ANO7: variants seen among roughly 807,000 people sequenced by gnomAD.
ANO7 encodes anoctamin-7.
In ANO7, 114 loss-of-function variants were observed where a neutral mutation model predicts 115.8. The ratio of observed to expected loss-of-function variants is 0.98; its 90% CI spans 0.85 to 1.15. The LOEUF (loss-of-function observed/expected upper bound fraction) is 1.15, where lower values mean the gene tolerates loss of function less well. Ranked by LOEUF, ANO7 falls within the 50% of genes most tolerant of loss-of-function variation. The probability of loss-of-function intolerance (pLI) is 0.00; values close to 1 mark genes in which losing one functional copy is unlikely to be tolerated. For synonymous variants in ANO7, 550 were observed against 498.2 expected (o/e 1.10, Z -1.38); for missense variants, 1,302 against 1,201.2 (o/e 1.08, Z -1.24).
chr2:241,233,701 T>C, the ANO7 span: 121 of 1,088,724 alleles, frequency 1.1e-4, no homozygotes, highest in East Asian at 2.9e-3. The surrounding 1 kb of genome is among the most constrained non-coding windows in gnomAD (Gnocchi z 4.3). Context: ...CCTGAGAGAC[T>C]TGCCACTCTC....
chr2:241,235,622 C>T, the ANO7 span: 382 of 1,528,120 alleles, frequency 2.5e-4, 1 homozygote, highest in Middle Eastern at 3.4e-4. Flanking sequence ...ATGGTTAGGC[C>T]GTGGGAGCTG....
Position 241,203,394 on chromosome 2 carries a change from T to A in ANO7, c.785T>A (p.Leu262His). ...CCACGCCTCAACCAGCGCCAAGTCCTTTTCCAGCACTGGGCGCGCTGGGGC... is the reference window on the plus strand; with the variant it reads ...CCACGCCTCAACCAGCGCCAAGTCCATTTCCAGCACTGGGCGCGCTGGGGC... ...QAPRLNQRQV[L>H]FQHWARWGKW... The change falls in exon 9 of 25, where the codon CTT becomes CAT. Residue 262 changes from leucine (L) to histidine (H), a missense_variant. Leu to His is a moderately conservative substitution (Grantham distance 99). Coordinates refer to ENST00000674324, the MANE Select transcript of ANO7 (RefSeq NM_001370694.2). This position sits in a 1 kb window ranked among gnomAD's most constrained non-coding sequence, Gnocchi z 4.8. The A allele has an allele frequency of 6.3e-7, 1 of 1,599,706 alleles. No homozygotes were observed. The highest frequency in any genetic ancestry group is 8.5e-7 in the Non-Finnish European group (1 of 1,174,076).
Position 241,224,362 on chromosome 2 carries a change from A to G in ANO7, c.*209A>G. The G allele has an allele frequency of 1.7e-6, 1 of 601,654 alleles. No homozygotes were observed. The highest frequency in any genetic ancestry group is 2.9e-6 in the Non-Finnish European group (1 of 343,592). The allele number at this position is 601,654 out of a possible 1,614,324, so 37.3% of individuals were successfully genotyped here. A position where few individuals can be genotyped will look rare whatever the true frequency, so the allele number is the denominator to read the frequency against. Reference sequence around the variant, plus strand: ...CCATCCCCGGCAGGGAGGGACCGTCAGCTCACAAGGCCCTCTTTGTTTCCT... The same window carrying G: ...CCATCCCCGGCAGGGAGGGACCGTCGGCTCACAAGGCCCTCTTTGTTTCCT... On this transcript the variant is annotated 3_prime_UTR_variant, in exon 25 of 25. Transcript: ENST00000674324.
At position 241,225,758 on chromosome 2, in the gene ANO7, C is replaced by T. The variant is rs973546688; in HGVS notation, c.*1605C>T. ...CCCTGCCTCCATGGAAGGGCTCTTCCGGCAGGGATGCAGGCTCACAGCGCC... is the reference window on the plus strand; with the variant it reads ...CCCTGCCTCCATGGAAGGGCTCTTCTGGCAGGGATGCAGGCTCACAGCGCC... On this transcript the variant is annotated 3_prime_UTR_variant, in exon 25 of 25. Transcript: ENST00000674324. Among the ~76,000 whole-genome samples, 5 of 152,140 alleles carry T rather than the reference C, an allele frequency of 3.3e-5. No individual in the cohort carries two copies. Among genetic ancestry groups the T allele is most frequent in the African/African-American group, 9.7e-5 (4 of 41,440 alleles).
the ANO7 span, chr2:241,231,006 G>C: frequency 2.0e-6 from 3 of 1,468,168 alleles, no homozygotes; most frequent in Non-Finnish European, 2.8e-6. Flanking sequence ...TCAGGGGCAA[G>C]AGCCGGCCCC....
downstream of ANO7, chr2:241,227,517 C>T (rs1483345972): frequency 6.6e-6 from 1 of 152,568 alleles, no homozygotes; most frequent in Non-Finnish European, 1.5e-5. Context: ...AGCACAGACG[C>T]TTCAGGGAGA....
intron 22 of ANO7, 152 bp downstream of exon 22, chr2:241,223,428 C>G (rs1233143255): frequency 3.4e-5 from 36 of 1,070,238 alleles, no homozygotes. Flanking sequence ...CCTGCGTTTT[C>G]CCTGCCTGGC....
At chr2:241,194,465 C>G (rs1053855942) in intron 3 of ANO7, among the ~76,000 whole-genome samples, 7 of 151,982 alleles carry the variant, frequency 4.6e-5, no homozygotes, top group African/African-American at 1.7e-4. Context: ...CAGGTGCCGG[C>G]CACCACGCCC....
At position 241,217,815 on chromosome 2, in the gene ANO7, T is replaced by C; in HGVS notation, c.2102T>C (p.Val701Ala). 2 of 1,609,800 alleles carry C rather than the reference T, an allele frequency of 1.2e-6. No homozygotes were observed. The highest frequency in any genetic ancestry group is 1.7e-6 in the Non-Finnish European group (2 of 1,178,920). The change falls in exon 20 of 25, where the codon GTG (valine) becomes GCG (alanine). Residue 701 changes from valine to alanine, a missense_variant. Coordinates refer to ENST00000674324, the MANE Select transcript of ANO7 (RefSeq NM_001370694.2). ...RKFVCEYRRP[V>A]AERAQDIGIW... Reference sequence around the variant, plus strand: ...TTCGTCTGCGAGTACCGGCGCCCGGTGGCCGAGCGCGCCCAGGACATCGGC... The same window carrying C: ...TTCGTCTGCGAGTACCGGCGCCCGGCGGCCGAGCGCGCCCAGGACATCGGC...
the ANO7 span, among the ~76,000 whole-genome samples, chr2:241,232,003 T>C: frequency 1.3e-5 from 2 of 151,902 alleles, no homozygotes; most frequent in East Asian, 3.9e-4. Flanking sequence ...GGAAAGGAAA[T>C]GAGCAGAAAG....
At chr2:241,239,549 G>A in the ANO7 span, 40 of 1,458,188 alleles carry the variant, frequency 2.7e-5, no homozygotes, top group African/African-American at 2.9e-4. The surrounding 1 kb of genome is among the most constrained non-coding windows in gnomAD (Gnocchi z 4.6). Flanking sequence ...ACACGGCTTC[G>A]GTGAGTGGCC....
rs1336693799 is a variant in ANO7, at chr2:241,204,576, A to C, written c.890-289A>C. 2.6e-5 allele frequency among the ~76,000 whole-genome samples: 4 copies of C among 152,044 alleles called. No individual in the cohort carries two copies. In the South Asian group the frequency reaches 8.3e-4, roughly 31 times the overall value. ...CAGGTTGGTTGGAGTGAGCTGGCTG[A>C]GGAGAAGGCATCCAGAGGTGGAGAG... On this transcript the variant is annotated intron_variant, in intron 9 of 24. Transcript: ENST00000674324.
downstream of ANO7, chr2:241,230,730 C>G (rs774153181): frequency 3.1e-6 from 5 of 1,606,854 alleles, no homozygotes; most frequent in South Asian, 1.1e-5. The surrounding 1 kb of genome is among the most constrained non-coding windows in gnomAD (Gnocchi z 5.0). Context: ...AGAGAGGATT[C>G]TCACCCACTG....
At chr2:241,192,386 A>G (rs1234715366) in intron 3 of ANO7, among the ~76,000 whole-genome samples, 3 of 152,020 alleles carry the variant, frequency 2.0e-5, no homozygotes, top group African/African-American at 7.2e-5. Context: ...CTTTTCTCAC[A>G]GTCTTGGGGC....
At chr2:241,223,103 G>A in intron 21 of ANO7, 83 bp from the exon 22 acceptor site, 2 of 1,228,734 alleles carry the variant, frequency 1.6e-6, no homozygotes, top group Non-Finnish European at 2.4e-6. Context: ...GGTGGAAAAA[G>A]GGGAGATAGG....
intron 3 of ANO7, among the ~76,000 whole-genome samples, chr2:241,194,785 C>T (rs2068284755): frequency 6.6e-6 from 1 of 152,262 alleles, no homozygotes; most frequent in East Asian, 1.9e-4. Context: ...TAGGTATGTA[C>T]GTATTATAGG....
At chr2:241,239,398 C>A in the ANO7 span, among the ~76,000 whole-genome samples, 1 of 151,644 alleles carries the variant, frequency 6.6e-6, no homozygotes, top group Admixed American at 6.6e-5. This position sits in a 1 kb window ranked among gnomAD's most constrained non-coding sequence, Gnocchi z 4.6. Context: ...AAGTGCTTCT[C>A]GCAGGCAGAA....
At position 241,217,680 on chromosome 2, in the gene ANO7, C is replaced by A. The variant is rs1367784485; in HGVS notation, c.1973-6C>A. ...GGAGAGCCCGGCCGTGACCCCCTCCCCGCAGTGCTGCAGTTCGGCTTCGTC... is the reference window on the plus strand; with the variant it reads ...GGAGAGCCCGGCCGTGACCCCCTCCACGCAGTGCTGCAGTTCGGCTTCGTC... On this transcript the variant is annotated splice_polypyrimidine_tract_variant and splice_region_variant and intron_variant, in intron 19 of 24. Transcript: ENST00000674324. The A allele has an allele frequency of 1.3e-6, 2 of 1,574,828 alleles. No individual in the cohort carries two copies. Among genetic ancestry groups the A allele is most frequent in the East Asian group, 2.3e-5 (1 of 43,294 alleles).
downstream of ANO7, chr2:241,229,829 T>C: frequency 7.7e-7 from 1 of 1,290,614 alleles, no homozygotes; most frequent in Non-Finnish European, 1.0e-6. Context: ...AGCCCGCATC[T>C]GACCTTCTCA....
Sources: allele counts gnomAD v4.1 joint callset (sites outside exome capture counted in the v4.1 genomes callset), GRCh38; gene constraint gnomAD v4.1.1; non-coding constraint Gnocchi (gnomAD v3.1); transcripts MANE v1.5; gene names NCBI Gene and HGNC (gene_info 2026-07-23, HGNC 2026-07-21).